CNTNAP2: variants seen among roughly 807,000 people sequenced by gnomAD.
The protein encoded by CNTNAP2 is contactin-associated protein-like 2.
In CNTNAP2, 98 loss-of-function variants were observed where a neutral mutation model predicts 155.2. The observed-to-expected ratio is 0.63, with a 90% CI of 0.54 to 0.75. CNTNAP2 has a LOEUF of 0.75. Among genes scored for constraint, CNTNAP2 ranks in the 30% least tolerant of loss-of-function variants. The pLI, the probability that CNTNAP2 is intolerant of heterozygous loss-of-function variation, is 0.00. For synonymous variants in CNTNAP2, 651 were observed against 631.2 expected (o/e 1.03, Z -0.47); for missense variants, 1,727 against 1,688.1 (o/e 1.02, Z -0.40).
intron 13 of CNTNAP2, among the ~76,000 whole-genome samples, chr7:147,870,916 C>T (rs1181655095): frequency 6.6e-6 from 1 of 151,994 alleles, no homozygotes; most frequent in East Asian, 1.9e-4. Context: ...CCTCCTATCC[C>T]TCAGGCTAAC....
At chr7:146,251,689 G>C (rs1369690700) in intron 1 of CNTNAP2, among the ~76,000 whole-genome samples, 1 of 152,094 alleles carries the variant, frequency 6.6e-6, no homozygotes, top group Admixed American at 6.6e-5. Context: ...CACAATTTAG[G>C]CTATAGGGGC....
intron 10 of CNTNAP2, among the ~76,000 whole-genome samples, chr7:147,458,596 A>G (rs188210080): frequency 1.4e-3 from 209 of 152,310 alleles, no homozygotes; most frequent in Admixed American, 2.2e-3. Context: ...TGAGAAGCGG[A>G]CATGCAGGAA....
intron 8 of CNTNAP2, among the ~76,000 whole-genome samples, chr7:147,176,048 T>C (rs1186951306): frequency 1.3e-5 from 2 of 152,142 alleles, no homozygotes; most frequent in African/African-American, 2.4e-5. Context: ...TTAAAGCTTT[T>C]TGTATGGCTG....
At position 146,801,309 on chromosome 7, in the gene CNTNAP2, C is replaced by T. The variant is rs181516095; in HGVS notation, c.208+26928C>T. ...GAGGGATCCACCCCCATGATCCAAA[C>T]ATCTCTCACTAGACGTCTGAGACCA... is the stretch of plus-strand genomic sequence containing the variant. On this transcript the variant is annotated intron_variant, in intron 2 of 23. Transcript: ENST00000361727. 9.8e-5 allele frequency among the ~76,000 whole-genome samples: 15 copies of T among 152,306 alleles called. 1 individual carries two copies. The highest frequency in any genetic ancestry group is 9.8e-4 in the Admixed American group (15 of 15,296).
intron 1 of CNTNAP2, among the ~76,000 whole-genome samples, chr7:146,398,614 T>A (rs1334792065): frequency 6.6e-6 from 1 of 152,208 alleles, no homozygotes; most frequent in African/African-American, 2.4e-5. Context: ...AACACTTCTT[T>A]GATAAACATC....
At chr7:147,144,287 T>A (rs190792157) in intron 8 of CNTNAP2, among the ~76,000 whole-genome samples, 1 of 152,182 alleles carries the variant, frequency 6.6e-6, no homozygotes, top group African/African-American at 2.4e-5. Context: ...ATACGAGACA[T>A]TACGTGTGGA....
At chr7:148,144,237 G>C (rs189094063) in intron 16 of CNTNAP2, among the ~76,000 whole-genome samples, 170 of 152,330 alleles carry the variant, frequency 1.1e-3, no homozygotes, top group Non-Finnish European at 1.7e-3. Context: ...CTCTGGGACA[G>C]AGGGTAGATT....
intron 16 of CNTNAP2, among the ~76,000 whole-genome samples, chr7:148,123,637 AAG>A (rs1804647626): frequency 7.2e-5 from 2 of 27,658 alleles, no homozygotes; most frequent in Non-Finnish European, 1.6e-4. Flanking sequence ...GGAGAGCAGG[AAG>A]GAAGGAAGGA....
chr7:147,842,613 C>G (rs34652342), intron 13 of CNTNAP2, among the ~76,000 whole-genome samples: 6,245 of 46,572 alleles, frequency 0.13, 247 homozygotes, highest in East Asian at 0.25. Context: ...TTATTATACT[C>G]TAAGTTTTAG....
chr7:148,348,339 A>C (rs1379177893), intron 21 of CNTNAP2, among the ~76,000 whole-genome samples: 2 of 152,216 alleles, frequency 1.3e-5, no homozygotes. Context: ...TTTTCTTCCA[A>C]TACAAAGTAA....
chr7:147,150,092 A>C (rs1289171035), intron 8 of CNTNAP2, among the ~76,000 whole-genome samples: 1 of 152,190 alleles, frequency 6.6e-6, no homozygotes, highest in East Asian at 1.9e-4. Context: ...TCTGCTACCT[A>C]TTTAGGAGGA....
chr7:148,178,299 A>G (rs569591996), intron 18 of CNTNAP2, among the ~76,000 whole-genome samples: 1 of 152,294 alleles, frequency 6.6e-6, no homozygotes, highest in East Asian at 1.9e-4. Flanking sequence ...TCACTCTGAA[A>G]CCATTTTCTG....
chr7:147,727,855 G>A (rs1207989033), intron 13 of CNTNAP2, among the ~76,000 whole-genome samples: 1 of 151,618 alleles, frequency 6.6e-6, no homozygotes, highest in Non-Finnish European at 1.5e-5. Context: ...GACTTGGATA[G>A]GAAGCAGAGA....
intron 13 of CNTNAP2, among the ~76,000 whole-genome samples, chr7:147,854,045 T>G (rs1161475370): frequency 2.6e-5 from 4 of 152,198 alleles, no homozygotes; most frequent in African/African-American, 9.6e-5. Flanking sequence ...AACAGTGGTT[T>G]AGATCAGTTG....
intron 12 of CNTNAP2, among the ~76,000 whole-genome samples, chr7:147,568,386 A>C (rs1169110235): frequency 6.6e-6 from 1 of 152,186 alleles, no homozygotes; most frequent in Non-Finnish European, 1.5e-5. Context: ...GACTGTCTGC[A>C]GCTCAGAGCT....
chr7:148,015,505 A>G (rs1397102205), intron 15 of CNTNAP2, among the ~76,000 whole-genome samples: 1 of 152,198 alleles, frequency 6.6e-6, no homozygotes, highest in Non-Finnish European at 1.5e-5. Context: ...GAGAACGAGC[A>G]TTTTTGCTGC....
At chr7:146,475,809 A>C (rs149511693) in intron 1 of CNTNAP2, among the ~76,000 whole-genome samples, 1 of 152,154 alleles carries the variant, frequency 6.6e-6, no homozygotes, top group African/African-American at 2.4e-5. Context: ...ACCCCAAAAT[A>C]TCACATATAT....
chr7:147,429,505 C>T (rs758528737), intron 10 of CNTNAP2, among the ~76,000 whole-genome samples: 1 of 151,978 alleles, frequency 6.6e-6, no homozygotes, highest in Non-Finnish European at 1.5e-5. Context: ...TTTTCTCCCA[C>T]TCTGTGGGTT....
chr7:147,557,693 C>T (rs561973493), intron 11 of CNTNAP2, among the ~76,000 whole-genome samples: 1 of 152,278 alleles, frequency 6.6e-6, no homozygotes, highest in Admixed American at 6.5e-5. Flanking sequence ...GTCATTAGCT[C>T]ATTCTCTGCA....
Sources: allele counts gnomAD v4.1 joint callset (sites outside exome capture counted in the v4.1 genomes callset), GRCh38; gene constraint gnomAD v4.1.1; transcripts MANE v1.5; gene names NCBI Gene and HGNC (gene_info 2026-07-23, HGNC 2026-07-21).